IK: variants seen among roughly 807,000 people sequenced by gnomAD.
IK encodes the protein protein Red.
IK carries 47 observed loss-of-function variants against 90.9 expected under a neutral mutation model. That is an observed-to-expected ratio of 0.52 (90% CI 0.41 to 0.66). IK has a LOEUF of 0.66. IK is among the 30% of genes least tolerant of loss of function. The pLI is 0.00. For missense variants in IK, 385 were observed against 709.3 expected (o/e 0.54, Z 5.19); for synonymous variants, 201 against 227.5 (o/e 0.88, Z 1.05).
Position 140,661,715 on chromosome 5 carries a change from C to T in IK, c.1502+7C>T, listed in dbSNP as rs376932333. ...ACAAAGAAGCTTTGCCCAAGTGAGTCGGTACTGAATATGGGCAGGGTGTGA... is the reference window on the plus strand; with the variant it reads ...ACAAAGAAGCTTTGCCCAAGTGAGTTGGTACTGAATATGGGCAGGGTGTGA... On this transcript the variant is annotated splice_region_variant and intron_variant, in intron 17 of 19. Coordinates refer to ENST00000417647, the MANE Select transcript of IK (RefSeq NM_006083.4). This position sits in a 1 kb window ranked among gnomAD's most constrained non-coding sequence, Gnocchi z 4.2. 32 of 1,595,570 alleles carry T rather than the reference C, an allele frequency of 2.0e-5. No homozygotes were observed. In the Admixed American group the frequency reaches 2.1e-4, roughly 10 times the overall value.
At chr5:140,659,892 C>G (rs181096543) in intron 14 of IK, 58 bp downstream of exon 14, 21 of 1,239,130 alleles carry the variant, frequency 1.7e-5, no homozygotes, top group African/African-American at 6.0e-5. Context: ...TTACTCCAAC[C>G]CCCCCTGCCT....
chr5:140,653,006 TTG>T lies in IK; in HGVS notation c.267_268del (p.Glu94AlafsTer21). ...TATGCCAAGCTACGCCAACAAGAAA[TTG>T]AGAGAGAGAGAGAGCTAGCAGAGAA... On this transcript the variant is annotated frameshift_variant, in exon 5 of 20. Transcript: ENST00000417647. LOFTEE classifies it high-confidence loss of function. The T allele has an allele frequency of 3.1e-6, 5 of 1,613,414 alleles. No homozygotes were observed. Among genetic ancestry groups the T allele is most frequent in the Non-Finnish European group, 4.2e-6 (5 of 1,179,766 alleles).
chr5:140,659,960 T>C (rs1382806635), intron 14 of IK, 126 bp downstream of exon 14: 10 of 936,014 alleles, frequency 1.1e-5, no homozygotes, highest in Non-Finnish European at 1.7e-5. Flanking sequence ...TTTGACAGAA[T>C]GAAACCATCC....
chr5:140,653,916 T>G, intron 5 of IK, 22 bp from the exon 6 acceptor site: 1 of 1,457,674 alleles, frequency 6.9e-7, no homozygotes, highest in Middle Eastern at 2.3e-4. Flanking sequence ...ACTGTTCTTA[T>G]GTGGCCTCTT....
chr5:140,660,843 C>G (rs369501205), intron 16 of IK, 28 bp downstream of exon 16: 43 of 1,576,998 alleles, frequency 2.7e-5, no homozygotes, highest in Non-Finnish European at 3.4e-5. Flanking sequence ...TGGTGGGCGC[C>G]TTTGGGCAGT....
At position 140,658,732 on chromosome 5, in the gene IK, T is replaced by C. The variant is rs751266066; in HGVS notation, c.911-5T>C. 2 of 1,607,006 alleles carry C rather than the reference T, an allele frequency of 1.2e-6. No individual in the cohort carries two copies. Among genetic ancestry groups the C allele is most frequent in the Non-Finnish European group, 1.7e-6 (2 of 1,175,938 alleles). Reference sequence around the variant, plus strand: ...ATGTTCCTGACTCCTCTCTTTAAATTTCAGGGAAGCTGGAAGAGAAGAAAC... The same window carrying C: ...ATGTTCCTGACTCCTCTCTTTAAATCTCAGGGAAGCTGGAAGAGAAGAAAC... On this transcript the variant is annotated splice_region_variant and splice_polypyrimidine_tract_variant and intron_variant, in intron 10 of 19. Coordinates refer to ENST00000417647, the MANE Select transcript of IK (RefSeq NM_006083.4).
Position 140,661,873 on chromosome 5 carries a change from C to T in IK, c.1503-26C>T. ...CGCCACTGCTATGCAATCTCTGATG[C>T]ATTCTTTCCCAACTGCTTTTTTCAG... is the stretch of plus-strand genomic sequence containing the variant. On this transcript the variant is annotated intron_variant, in intron 17 of 19. Coordinates refer to ENST00000417647, the MANE Select transcript of IK (RefSeq NM_006083.4). The surrounding 1 kb of genome is among the most constrained non-coding windows in gnomAD (Gnocchi z 4.2). 3 of 1,571,108 alleles carry T rather than the reference C, an allele frequency of 1.9e-6. No homozygotes were observed. The highest frequency in any genetic ancestry group is 2.6e-6 in the Non-Finnish European group (3 of 1,151,752).
At chr5:140,651,996 C>A in intron 3 of IK, 92 bp from the exon 4 acceptor site, 3 of 998,964 alleles carry the variant, frequency 3.0e-6, no homozygotes, top group South Asian at 1.3e-5. Flanking sequence ...GATCAGTATT[C>A]TAGGTCTTTC....
At chr5:140,650,100 T>A (rs115848471) in intron 2 of IK, among the ~76,000 whole-genome samples, 21 of 152,206 alleles carry the variant, frequency 1.4e-4, no homozygotes, top group African/African-American at 4.6e-4. Flanking sequence ...CTGAGCACAG[T>A]TTTAACAAAG....
At position 140,655,857 on chromosome 5, in the gene IK, G is replaced by A; in HGVS notation, c.666G>A (p.Lys222=). Residue 222 remains lysine, a synonymous_variant, in exon 9 of 20, where the codon AAG becomes AAA. Coordinates refer to ENST00000417647, the MANE Select transcript of IK (RefSeq NM_006083.4). ...LGRNVYRMLF[K]SKAYERNELF... The stretch of plus-strand genomic sequence containing the variant: ...GCAATGTTTACCGAATGCTTTTTAA[G>A]AGCAAAGCATATGAGCGGAATGAGT... 6.2e-7 allele frequency: 1 copy of A among 1,610,428 alleles called. No homozygotes were observed. The highest frequency in any genetic ancestry group is 2.2e-5 in the East Asian group (1 of 44,828).
In IK at chr5:140,661,367, T is replaced by C; in HGVS notation, c.1414-253T>C. On this transcript the variant is annotated intron_variant, in intron 16 of 19. Transcript: ENST00000417647. This position sits in a 1 kb window ranked among gnomAD's most constrained non-coding sequence, Gnocchi z 4.2. ...CACTGTTTATGCCTCAGTTTCCTCA[T>C]CAGGAAAATGGAGAGAAATATAGTT... 2.3e-6 allele frequency: 1 copy of C among 437,680 alleles called. No individual in the cohort carries two copies. Among genetic ancestry groups the C allele is most frequent in the Non-Finnish European group, 4.1e-6 (1 of 244,412 alleles). The allele number at this position is 437,680 out of a possible 1,614,324, so 27.1% of individuals were successfully genotyped here.
chr5:140,660,288 ACTTC>A, intron 15 of IK, 93 bp downstream of exon 15: 2 of 398,158 alleles, frequency 5.0e-6, no homozygotes, highest in Non-Finnish European at 8.2e-6. Context: ...TCCCAGGGCT[ACTTC>A]TTTTTTTTTT....
chr5:140,660,291 T>TA, intron 15 of IK, 96 bp downstream of exon 15: 20 of 509,266 alleles, frequency 3.9e-5, no homozygotes, highest in Non-Finnish European at 4.7e-5. Context: ...CAGGGCTACT[T>TA]CTTTTTTTTT....
chr5:140,652,879 G>C, intron 4 of IK, 98 bp from the exon 5 acceptor site: 1 of 1,069,438 alleles, frequency 9.4e-7, no homozygotes. Context: ...TCCCCATAGA[G>C]AGTAGGTTGG....
At chr5:140,662,057 T>G in intron 18 of IK, 50 bp downstream of exon 18, 1 of 1,566,550 alleles carries the variant, frequency 6.4e-7, no homozygotes, top group South Asian at 1.1e-5. Flanking sequence ...GGAGAAGACA[T>G]TAGCCTGCAG....
chr5:140,651,681 C>T (rs756248325), intron 2 of IK, 33 bp from the exon 3 acceptor site: 2 of 1,054,800 alleles, frequency 1.9e-6, no homozygotes, highest in Non-Finnish European at 2.9e-6. Flanking sequence ...CTTATTGAGT[C>T]CTAATATTTA....
At chr5:140,648,251 C>G in intron 1 of IK, 3 of 705,340 alleles carry the variant, frequency 4.3e-6, no homozygotes, top group Non-Finnish European at 5.2e-6. Flanking sequence ...TAGACGTGAT[C>G]TTCCGGAAGT....
chr5:140,660,558 A>G, intron 15 of IK, 200 bp from the exon 16 acceptor site: 1 of 556,870 alleles, frequency 1.8e-6, no homozygotes, highest in Admixed American at 3.3e-5. Flanking sequence ...TCAGCCTCCA[A>G]AAGTGCGGGG....
At chr5:140,653,405 G>T (rs1214153343) in intron 5 of IK, among the ~76,000 whole-genome samples, 1 of 151,028 alleles carries the variant, frequency 6.6e-6, no homozygotes, top group Non-Finnish European at 1.5e-5. Context: ...TCCTGCCTCA[G>T]CCTCCCGAGT....
Sources: gnomAD v4.1 joint callset for allele counts (sites outside exome capture counted in the v4.1 genomes callset) on GRCh38, gnomAD v4.1.1 for gene constraint, Gnocchi (gnomAD v3.1) non-coding constraint, MANE v1.5 for transcripts, NCBI Gene and HGNC (gene_info 2026-07-23, HGNC 2026-07-21) for gene names.